SYK: variants seen among roughly 807,000 people sequenced by gnomAD.
SYK encodes the protein tyrosine-protein kinase SYK.
A neutral mutation model predicts 77.8 loss-of-function variants in SYK; 16 were observed. The observed-to-expected ratio is 0.21, with a 90% confidence interval of 0.14 to 0.31. SYK has a LOEUF of 0.31. Ranked by LOEUF, SYK falls within the 10% of genes least tolerant of loss-of-function variation. The probability of loss-of-function intolerance (pLI) is 1.00; values close to 1 mark genes in which losing one functional copy is unlikely to be tolerated. For missense variants in SYK, 529 were observed against 814.4 expected (o/e 0.65, Z 4.26); for synonymous variants, 312 against 308.7 (o/e 1.01, Z -0.11).
chr9:90,802,249 C>T (rs1341472723), intron 1 of SYK, among the ~76,000 whole-genome samples: 1 of 152,198 alleles, frequency 6.6e-6, no homozygotes. Context: ...GGATCAGGCA[C>T]AGCGCGAGGA....
At chr9:90,857,719 C>T (rs1827096657) in intron 3 of SYK, among the ~76,000 whole-genome samples, 1 of 152,204 alleles carries the variant, frequency 6.6e-6, no homozygotes, top group African/African-American at 2.4e-5. Flanking sequence ...TCCTCCTCTT[C>T]CCCTCTCCCA....
rs3057733 is a variant in SYK at position 90,811,764 on chromosome 9, C to CAAAA, written c.-42+9879_-42+9882dup. 2.7e-3 allele frequency among the ~76,000 whole-genome samples: 405 copies of CAAAA among 147,312 alleles called. 2 individuals are homozygous for CAAAA. The highest frequency in any genetic ancestry group is 0.024 in the East Asian group (121 of 5,028). ...AAAACCCCACCTCTATGACAAATAC[C>CAAAA]AAAAAAAAAAACTAGCCTGGACTGG... On this transcript the variant is annotated intron_variant, in intron 1 of 13. Coordinates refer to ENST00000375754, the MANE Select transcript of SYK (RefSeq NM_003177.7).
chr9:90,806,774 C>T (rs2118256324), intron 1 of SYK, among the ~76,000 whole-genome samples: 1 of 152,118 alleles, frequency 6.6e-6, no homozygotes, highest in East Asian at 1.9e-4. Flanking sequence ...CTGAATCATG[C>T]TTAGTGAGAG....
intron 1 of SYK, among the ~76,000 whole-genome samples, chr9:90,827,315 C>T (rs1825696627): frequency 1.3e-5 from 2 of 152,100 alleles, no homozygotes; most frequent in South Asian, 4.1e-4. Flanking sequence ...AAAGAGGCCC[C>T]GTGCTGCTGG....
intron 13 of SYK, among the ~76,000 whole-genome samples, chr9:90,892,648 A>G (rs997294326): frequency 6.6e-6 from 1 of 152,230 alleles, no homozygotes; most frequent in African/African-American, 2.4e-5. Context: ...AGCAGGAATC[A>G]GTCAGGAAGC....
intron 7 of SYK, among the ~76,000 whole-genome samples, chr9:90,873,178 A>G (rs1027032308): frequency 2.0e-5 from 3 of 152,224 alleles, no homozygotes; most frequent in Non-Finnish European, 2.9e-5. Context: ...AATAAGGCAC[A>G]TGAGGATTTA....
intron 3 of SYK, among the ~76,000 whole-genome samples, chr9:90,861,127 G>A (rs186684512): frequency 4.4e-4 from 67 of 152,254 alleles, no homozygotes; most frequent in Non-Finnish European, 8.2e-4. Context: ...TAAACTGGGG[G>A]ATTCGCACCC....
intron 5 of SYK, 106 bp from the exon 6 acceptor site, chr9:90,864,942 C>G: frequency 8.5e-7 from 1 of 1,178,236 alleles, no homozygotes; most frequent in South Asian, 1.3e-5. Context: ...GTGCTCACTT[C>G]TCAAGCAGCA....
chr9:90,878,638 C>T, intron 10 of SYK, 126 bp from the exon 11 acceptor site: 1 of 719,742 alleles, frequency 1.4e-6, no homozygotes, highest in Admixed American at 2.4e-5. Flanking sequence ...TGTCACCACT[C>T]GTGAGTTTTG....
chr9:90,878,684 T>C, intron 10 of SYK, 80 bp from the exon 11 acceptor site: 5 of 1,221,428 alleles, frequency 4.1e-6, no homozygotes, highest in Non-Finnish European at 4.7e-6. Context: ...ATTCACCCAC[T>C]GCCTGCGTGA....
chr9:90,868,173 A>G (rs2118833391), intron 7 of SYK, among the ~76,000 whole-genome samples: 1 of 152,348 alleles, frequency 6.6e-6, no homozygotes, highest in East Asian at 1.9e-4. Flanking sequence ...CAGAACAGAA[A>G]GATTTAATGC....
chr9:90,869,158 C>T (rs932578520), intron 7 of SYK, among the ~76,000 whole-genome samples: 3 of 152,066 alleles, frequency 2.0e-5, no homozygotes, highest in African/African-American at 7.2e-5. Context: ...TCATTGTAAA[C>T]TCTGTTGTAT....
intron 11 of SYK, among the ~76,000 whole-genome samples, chr9:90,880,915 T>C (rs1243641329): frequency 6.6e-6 from 1 of 152,192 alleles, no homozygotes; most frequent in East Asian, 1.9e-4. Context: ...GCACATGGCC[T>C]CTCCTTGGGG....
chr9:90,877,710 G>T lies in SYK; in HGVS notation c.1321G>T (p.Ala441Ser). 1 of 1,614,226 alleles carries T rather than the reference G, an allele frequency of 6.2e-7. No individual in the cohort carries two copies. The highest frequency in any genetic ancestry group is 8.5e-7 in the Non-Finnish European group (1 of 1,180,034). Residue 441 changes from alanine to serine, a missense_variant, in exon 10 of 14, where the codon GCC becomes TCC. By Grantham distance (99) the Ala-to-Ser change is moderately conservative (BLOSUM62 1). Transcript: ENST00000375754. ...CGTGCGGATGATCGGGATATGCGAG[G>T]CCGAGTCCTGGATGCTGGTTATGGA... ...YIVRMIGICE[A>S]ESWMLVMEMA...
intron 3 of SYK, among the ~76,000 whole-genome samples, chr9:90,858,036 G>C (rs182343): frequency 0.14 from 21,096 of 152,176 alleles, 1,616 homozygotes; most frequent in East Asian, 0.29. Flanking sequence ...CAGTGTCCCC[G>C]TAGCCCTGGG....
intron 4 of SYK, among the ~76,000 whole-genome samples, chr9:90,863,845 C>T (rs1018893236): frequency 3.9e-5 from 6 of 152,140 alleles, no homozygotes; most frequent in African/African-American, 9.7e-5. Flanking sequence ...ATGTGTGTGG[C>T]GTTCTGTCAC....
intron 7 of SYK, among the ~76,000 whole-genome samples, chr9:90,871,903 T>C (rs1221500505): frequency 1.3e-5 from 2 of 152,212 alleles, no homozygotes; most frequent in Non-Finnish European, 2.9e-5. Context: ...TTATTGGCTA[T>C]AAACGTGGAG....
intron 13 of SYK, among the ~76,000 whole-genome samples, chr9:90,890,370 AGACCGGGGAG>A (rs1377168645): frequency 6.6e-6 from 1 of 152,236 alleles, no homozygotes; most frequent in African/African-American, 2.4e-5. Flanking sequence ...CACCAGGGGC[AGACCGGGGAG>A]GGAAAGCAGT....
At chr9:90,809,698 A>G (rs1453449681) in intron 1 of SYK, among the ~76,000 whole-genome samples, 1 of 152,220 alleles carries the variant, frequency 6.6e-6, no homozygotes, top group East Asian at 1.9e-4. Flanking sequence ...TTCCATAGAG[A>G]TAAATTTACT....
Sources: gnomAD v4.1 joint callset for allele counts (sites outside exome capture counted in the v4.1 genomes callset) on GRCh38, gnomAD v4.1.1 for gene constraint, MANE v1.5 for transcripts, NCBI Gene and HGNC (gene_info 2026-07-23, HGNC 2026-07-21) for gene names.